Variants in ZZEF1 observed in about 807,000 individuals in gnomAD.
ZZEF1 encodes the protein zinc finger ZZ-type and EF-hand domain containing 1.
Under a neutral mutation model 342.8 loss-of-function variants are expected in ZZEF1, and 157 were observed. The ratio of observed to expected loss-of-function variants is 0.46; its 90% CI spans 0.40 to 0.52. The LOEUF is 0.52. ZZEF1 is among the 20% of genes least tolerant of loss of function. ZZEF1 has a pLI of 0.00. For synonymous variants in ZZEF1, 1,505 were observed against 1,429.1 expected, an observed-to-expected ratio of 1.05 and a Z score of -1.20; for missense variants, 3,480 against 3,725.6, an observed-to-expected ratio of 0.93 and a Z score of 1.72.
At chr17:4,028,670 A>G (rs1019110818) in intron 42 of ZZEF1, among the ~76,000 whole-genome samples, 1 of 152,216 alleles carries the variant, frequency 6.6e-6, no homozygotes, top group Admixed American at 6.5e-5. Context: ...AAAAGACAAG[A>G]AATCCACTTT....
chr17:4,080,153 T>A (rs1331889622), intron 18 of ZZEF1, among the ~76,000 whole-genome samples: 1 of 152,196 alleles, frequency 6.6e-6, no homozygotes, highest in Admixed American at 6.5e-5. Flanking sequence ...AAATCTTTTT[T>A]CTGTCAAATA....
chr17:4,136,134 G>A (rs2058743625), intron 1 of ZZEF1, among the ~76,000 whole-genome samples: 1 of 150,104 alleles, frequency 6.7e-6, no homozygotes, highest in African/African-American at 2.4e-5. Flanking sequence ...GGAACTACAG[G>A]CGCGCTTCAC....
intron 5 of ZZEF1, among the ~76,000 whole-genome samples, chr17:4,111,641 A>G (rs1426604446): frequency 7.5e-6 from 1 of 133,802 alleles, no homozygotes; most frequent in East Asian, 2.1e-4. Context: ...CCCAGGCGAC[A>G]ATGCGAGGCT....
intron 11 of ZZEF1, among the ~76,000 whole-genome samples, chr17:4,093,946 G>A (rs2057990277): frequency 6.6e-6 from 1 of 151,982 alleles, no homozygotes; most frequent in African/African-American, 2.4e-5. Flanking sequence ...TGACACCATC[G>A]CCCATTCCCT....
chr17:4,115,658 G>A (rs2058382415), intron 3 of ZZEF1, among the ~76,000 whole-genome samples: 3 of 152,138 alleles, frequency 2.0e-5, no homozygotes, highest in South Asian at 2.1e-4. Flanking sequence ...GTAAGACTCC[G>A]TCGCAAATAA....
intron 2 of ZZEF1, among the ~76,000 whole-genome samples, chr17:4,122,508 T>C (rs765502105): frequency 5.9e-5 from 9 of 152,008 alleles, no homozygotes; most frequent in Non-Finnish European, 1.0e-4. Flanking sequence ...GCCTCCCGAA[T>C]AGCTGGGATT....
At chr17:4,067,116 G>A in intron 27 of ZZEF1, 47 bp downstream of exon 27, 1 of 1,496,394 alleles carries the variant, frequency 6.7e-7, no homozygotes, top group Admixed American at 1.7e-5. Flanking sequence ...TGATATCACG[G>A]TAGAAAACCT....
At chr17:4,101,461 C>A (rs912245795) in intron 9 of ZZEF1, among the ~76,000 whole-genome samples, 1 of 152,088 alleles carries the variant, frequency 6.6e-6, no homozygotes, top group African/African-American at 2.4e-5. Context: ...AGGCGGCCAA[C>A]AAGACGAATG....
chr17:4,102,255 G>A, intron 9 of ZZEF1, 62 bp downstream of exon 9: 1 of 1,436,282 alleles, frequency 7.0e-7, no homozygotes, highest in Non-Finnish European at 9.8e-7. Context: ...TCTGGAGTGT[G>A]CTTTCACACA....
rs1220044209 is a variant in ZZEF1 at position 4,006,613 on chromosome 17, A to T, written c.*277T>A. The T allele has an allele frequency of 6.3e-6, 3 of 473,852 alleles. No individual in the cohort carries two copies. The highest frequency in any genetic ancestry group is 4.0e-5 in the African/African-American group (2 of 49,950). The allele number at this position is 473,852 out of a possible 1,614,324, so 29.4% of individuals were successfully genotyped here. A position where few individuals can be genotyped will look rare whatever the true frequency, so the allele number is the denominator to read the frequency against. On this transcript the variant is annotated 3_prime_UTR_variant, in exon 55 of 55. Coordinates refer to ENST00000381638, the MANE Select transcript of ZZEF1 (RefSeq NM_015113.4). ...CGGCTCCTGCAGTGACAGCCTCTGG[A>T]GAAGGCTGGTCTCTGAACCTTCTTA...
rs187658748 is a variant in ZZEF1 at position 4,118,399 on chromosome 17, G to A, written c.500-1233C>T. Among the ~76,000 whole-genome samples the A allele has an allele frequency of 5.6e-4, 86 of 152,232 alleles. 1 individual carries two copies. In the East Asian group the frequency reaches 0.011, roughly 19 times the overall value. On this transcript the variant is annotated intron_variant, in intron 2 of 54. Coordinates refer to ENST00000381638, the MANE Select transcript of ZZEF1 (RefSeq NM_015113.4). Reference sequence around the variant, plus strand: ...AGTAGTTATCTGCAAAAGATAGTAGGGCCTTGCTCCAAAATCTTAAAGGCC... The same window carrying A: ...AGTAGTTATCTGCAAAAGATAGTAGAGCCTTGCTCCAAAATCTTAAAGGCC...
At position 4,106,342 on chromosome 17, in the gene ZZEF1, C is replaced by T. The variant is rs1265113010; in HGVS notation, c.1278-533G>A. Reference sequence around the variant, plus strand: ...TTCTTTCTTTTAGGAGTTCTGCCTCCCTCTGTTGAATAAAACTTATTCAAC... The same window carrying T: ...TTCTTTCTTTTAGGAGTTCTGCCTCTCTCTGTTGAATAAAACTTATTCAAC... On this transcript the variant is annotated intron_variant, in intron 6 of 54. Coordinates refer to ENST00000381638, the MANE Select transcript of ZZEF1 (RefSeq NM_015113.4). Among the ~76,000 whole-genome samples, 4 of 152,000 alleles carry T rather than the reference C, an allele frequency of 2.6e-5. No homozygotes were observed. The South Asian group carries it at 8.3e-4, about 32-fold the overall frequency.
intron 51 of ZZEF1, 28 bp from the exon 52 acceptor site, chr17:4,013,642 A>G (rs758605646): frequency 1.3e-6 from 2 of 1,589,770 alleles, no homozygotes; most frequent in Non-Finnish European, 1.7e-6. Flanking sequence ...ACACGGATAT[A>G]TAAACAGAGA....
At chr17:4,125,615 T>C (rs1440838365) in intron 1 of ZZEF1, among the ~76,000 whole-genome samples, 1 of 152,204 alleles carries the variant, frequency 6.6e-6, no homozygotes, top group African/African-American at 2.4e-5. Flanking sequence ...AGGTATAACA[T>C]TCAAAAGGAG....
Position 4,059,259 on chromosome 17 carries a change from C to A in ZZEF1, c.4915G>T (p.Asp1639Tyr). 6.2e-7 allele frequency: 1 copy of A among 1,603,052 alleles called. No homozygotes were observed. The highest frequency in any genetic ancestry group is 1.8e-5 in the Admixed American group (1 of 56,864). The part of the protein sequence containing the change: ...YFGHLEGCGA[D>Y]LHKEIRDTYY... ...GTGTCTCGAATTTCTTTGTGTAGAT[C>A]AGCACCACAGCCTTCCAGGTGTCCA... The change falls in exon 31 of 55, where the codon GAT becomes TAT. Residue 1639 changes from aspartate (D) to tyrosine (Y), a missense_variant. By Grantham distance (160) the Asp-to-Tyr change is radical. Transcript: ENST00000381638.
At chr17:4,097,480 A>G (rs2058057185) in intron 9 of ZZEF1, among the ~76,000 whole-genome samples, 2 of 5,960 alleles carry the variant, frequency 3.4e-4, no homozygotes, top group Non-Finnish European at 1.6e-3. Flanking sequence ...GAAATGGGAA[A>G]AAAAAAAAAA....
At position 4,090,825 on chromosome 17, in the gene ZZEF1, C is replaced by A; in HGVS notation, c.1919G>T (p.Gly640Val). 1 of 1,613,238 alleles carries A rather than the reference C, an allele frequency of 6.2e-7. No individual in the cohort carries two copies. The highest frequency in any genetic ancestry group is 8.5e-7 in the Non-Finnish European group (1 of 1,179,326). Reference protein sequence around the residue: ...ELRQFVKSRIGCSSDDLGEDD... With the variant: ...ELRQFVKSRIVCSSDDLGEDD... Reference sequence around the variant, plus strand: ...CTCTCCAAGGTCATCAGATGAGCAACCAATCCTGTAAAGACAAGAGTATTC... The same window carrying A: ...CTCTCCAAGGTCATCAGATGAGCAAACAATCCTGTAAAGACAAGAGTATTC... Residue 640 changes from glycine to valine, a missense_variant, in exon 12 of 55, where the codon GGT becomes GTT. This residue lies in a region of ZZEF1 where 1,528 missense variants were observed against 1,624.1 expected (regional missense o/e 0.94). Transcript: ENST00000381638.
At chr17:4,061,764 A>G (rs977939288) in intron 30 of ZZEF1, among the ~76,000 whole-genome samples, 8 of 151,376 alleles carry the variant, frequency 5.3e-5, no homozygotes, top group Admixed American at 2.0e-4. Flanking sequence ...AGTCCTGACA[A>G]CTCTACCTCT....
intron 54 of ZZEF1, 102 bp from the exon 55 acceptor site, chr17:4,007,072 G>A: frequency 1.0e-5 from 11 of 1,079,222 alleles, no homozygotes; most frequent in Non-Finnish European, 1.4e-5. Flanking sequence ...TGGGGACGGA[G>A]GAGGGGAACC....
Sources: gnomAD v4.1 joint callset for allele counts (sites outside exome capture counted in the v4.1 genomes callset) on GRCh38, gnomAD v4.1.1 for gene constraint, gnomAD v4.1.1 regional missense constraint, MANE v1.5 for transcripts, NCBI Gene and HGNC (gene_info 2026-07-23, HGNC 2026-07-21) for gene names.